Variants in NKD2 observed in about 807,000 individuals in gnomAD.
The protein encoded by NKD2 is protein naked cuticle homolog 2.
A neutral mutation model predicts 34.8 loss-of-function variants in NKD2; 43 were observed. The observed-to-expected ratio is 1.24, with a 90% CI of 0.97 to 1.60. The LOEUF (loss-of-function observed/expected upper bound fraction) is 1.60. NKD2 is among the 40% of genes most tolerant of loss of function. The probability of loss-of-function intolerance (pLI) is 0.00; values close to 1 mark genes in which losing one functional copy is unlikely to be tolerated. For missense variants in NKD2, 675 were observed against 627.1 expected, an observed-to-expected ratio of 1.08 and a Z score of -0.82; for synonymous variants, 278 against 265.1, an observed-to-expected ratio of 1.05 and a Z score of -0.47.
At chr5:1,013,198 C>T (rs1223845104) in intron 3 of NKD2, among the ~76,000 whole-genome samples, 1 of 152,226 alleles carries the variant, frequency 6.6e-6, no homozygotes, top group Admixed American at 6.5e-5. Flanking sequence ...GGGATGCCTC[C>T]AGCACAGACT....
chr5:1,009,926 C>A lies in NKD2; in HGVS notation c.141+366C>A, dbSNP rs1755684685. ...GGGGAGCGGGAATGCAGTACCCCGG[C>A]TGGATGAGCTGGAGGAGTTGGAGGA... On this transcript the variant is annotated intron_variant, in intron 3 of 9. Transcript: ENST00000296849. This position sits in a 1 kb window ranked among gnomAD's most constrained non-coding sequence, Gnocchi z 6.9. Among the ~76,000 whole-genome samples, 1 of 152,098 alleles carries A rather than the reference C, an allele frequency of 6.6e-6. No individual in the cohort carries two copies. Among genetic ancestry groups the A allele is most frequent in the African/African-American group, 2.4e-5 (1 of 41,404 alleles).
chr5:1,021,555 G>A (rs548196213), intron 3 of NKD2, among the ~76,000 whole-genome samples: 21 of 151,796 alleles, frequency 1.4e-4, no homozygotes, highest in Non-Finnish European at 2.4e-4. Context: ...CTGGGCCCCA[G>A]CTGCACATGT....
chr5:1,011,321 G>A (rs986721341), intron 3 of NKD2, among the ~76,000 whole-genome samples: 2 of 152,318 alleles, frequency 1.3e-5, no homozygotes, highest in African/African-American at 4.8e-5. Flanking sequence ...ACCTGGCCAA[G>A]TGCCCTCCCT....
At position 1,032,138 on chromosome 5, in the gene NKD2, C is replaced by T. The variant is rs752119907; in HGVS notation, c.142-14C>T. 26 of 1,610,150 alleles carry T rather than the reference C, an allele frequency of 1.6e-5. No individual in the cohort carries two copies. The highest frequency in any genetic ancestry group is 1.0e-4 in the Admixed American group (6 of 59,906). On this transcript the variant is annotated splice_polypyrimidine_tract_variant and intron_variant, in intron 3 of 9. Transcript: ENST00000296849. ...TGAGCTATGTGGCCACTGACTGCCC[C>T]GTTCTTCCTGCAGGAGCTGCCCAAT...
At chr5:1,031,262 C>T (rs1157981608) in intron 3 of NKD2, among the ~76,000 whole-genome samples, 1 of 152,160 alleles carries the variant, frequency 6.6e-6, no homozygotes, top group African/African-American at 2.4e-5. Flanking sequence ...ACTGTGAGGG[C>T]AGTCCCAGCT....
chr5:1,008,821 T>TCGCTGCCGC lies in NKD2; in HGVS notation c.-231_-223dup, dbSNP rs975968524. On this transcript the variant is annotated 5_prime_UTR_variant, in exon 1 of 10. Coordinates refer to ENST00000296849, the MANE Select transcript of NKD2 (RefSeq NM_033120.4). ...GCGCTCAGAGGGAGCCGGGCCGCCGTCGCTGCCGCCGCTGTCCCCGCGCCC... is the reference window on the plus strand; with the variant it reads ...GCGCTCAGAGGGAGCCGGGCCGCCGTCGCTGCCGCCGCTGCCGCCGCTGTCCCCGCGCCC... 7 of 252,354 alleles carry TCGCTGCCGC rather than the reference T, an allele frequency of 2.8e-5. No homozygotes were observed. The Admixed American group carries it at 3.9e-4, about 14-fold the overall frequency. 15.6% of individuals were successfully genotyped at this position (252,354 alleles called of 1,614,324 possible). A position where few individuals can be genotyped will look rare whatever the true frequency, so the allele number is the denominator to read the frequency against.
chr5:1,033,307 C>G (rs1360675245), intron 4 of NKD2, 65 bp from the exon 5 acceptor site: 6 of 1,465,432 alleles, frequency 4.1e-6, no homozygotes, highest in African/African-American at 1.4e-5. Flanking sequence ...GCGAGGGTCC[C>G]CAATGGCGGG....
At chr5:1,018,528 C>A (rs1334221276) in intron 3 of NKD2, among the ~76,000 whole-genome samples, 1 of 152,166 alleles carries the variant, frequency 6.6e-6, no homozygotes, top group Admixed American at 6.5e-5. Context: ...GCAGCGGGCT[C>A]ACGTGTGTTG....
intron 8 of NKD2, chr5:1,035,925 C>T (rs1253114038): frequency 5.5e-6 from 2 of 360,662 alleles, no homozygotes; most frequent in African/African-American, 2.1e-5. Flanking sequence ...CTGGGGGTGG[C>T]TGGGTGGCTG....
chr5:1,032,340 A>G, intron 4 of NKD2, 128 bp downstream of exon 4: 5 of 732,688 alleles, frequency 6.8e-6, no homozygotes, highest in Non-Finnish European at 1.2e-5. Flanking sequence ...GCTTAGACGC[A>G]CTTTGTTCTT....
intron 3 of NKD2, among the ~76,000 whole-genome samples, chr5:1,018,998 G>A (rs1050350609): frequency 6.6e-6 from 1 of 152,204 alleles, no homozygotes. Context: ...CAGTCTGGGA[G>A]ACTCAGAGCC....
chr5:1,026,216 G>T (rs1400582937), intron 3 of NKD2, among the ~76,000 whole-genome samples: 1 of 32,780 alleles, frequency 3.1e-5, no homozygotes, highest in African/African-American at 6.1e-5. Flanking sequence ...TCAGCCCATT[G>T]TCCCTGCTCT....
At chr5:1,036,195 G>A (rs1345959045) in intron 8 of NKD2, 62 bp from the exon 9 acceptor site, 18 of 1,454,108 alleles carry the variant, frequency 1.2e-5, no homozygotes, top group Non-Finnish European at 1.4e-5. Context: ...TAGGCACCCC[G>A]TCATCAGGGG....
At chr5:1,013,666 C>G (rs1255302934) in intron 3 of NKD2, among the ~76,000 whole-genome samples, 1 of 152,220 alleles carries the variant, frequency 6.6e-6, no homozygotes, top group Non-Finnish European at 1.5e-5. Flanking sequence ...CAGGCATCCC[C>G]TGTCCTGCAG....
At chr5:1,035,735 T>A (rs1053860024) in intron 8 of NKD2, 1 of 526,300 alleles carries the variant, frequency 1.9e-6, no homozygotes, top group Non-Finnish European at 3.4e-6. Context: ...AGTCTGGACT[T>A]GCTGTGGCTC....
At chr5:1,016,609 G>T (rs764526099) in intron 3 of NKD2, among the ~76,000 whole-genome samples, 1 of 152,342 alleles carries the variant, frequency 6.6e-6, no homozygotes, top group Non-Finnish European at 1.5e-5. Flanking sequence ...GCCAGAGGCC[G>T]ATGGAAACGG....
At chr5:1,017,536 C>T (rs568609668) in intron 3 of NKD2, among the ~76,000 whole-genome samples, 1 of 152,246 alleles carries the variant, frequency 6.6e-6, no homozygotes, top group Non-Finnish European at 1.5e-5. Context: ...TGCTGCTGGA[C>T]AGAGCAGGAC....
At chr5:1,016,261 C>G (rs1472833802) in intron 3 of NKD2, among the ~76,000 whole-genome samples, 2 of 152,268 alleles carry the variant, frequency 1.3e-5, no homozygotes, top group African/African-American at 4.8e-5. Flanking sequence ...GCGAGCTGCA[C>G]CCATGCTGGC....
At chr5:1,018,391 T>A (rs1756041733) in intron 3 of NKD2, among the ~76,000 whole-genome samples, 1 of 152,232 alleles carries the variant, frequency 6.6e-6, no homozygotes, top group Non-Finnish European at 1.5e-5. Context: ...CTTCTGGCCC[T>A]TCCTCTCCTC....
Sources: gnomAD v4.1 joint callset for allele counts (sites outside exome capture counted in the v4.1 genomes callset) on GRCh38, gnomAD v4.1.1 for gene constraint, Gnocchi (gnomAD v3.1) non-coding constraint, MANE v1.5 for transcripts, NCBI Gene and HGNC (gene_info 2026-07-23, HGNC 2026-07-21) for gene names.